SETD2: variants seen among roughly 807,000 people sequenced by gnomAD.
The protein encoded by SETD2 is SET domain containing 2, histone lysine methyltransferase, also known as histone-lysine N-methyltransferase SETD2.
SETD2 carries 31 observed loss-of-function variants against 242.1 expected under a neutral mutation model. The ratio of observed to expected loss-of-function variants is 0.13; its 90% CI spans 0.10 to 0.17. SETD2 has a LOEUF of 0.17. SETD2 is among the 10% of genes least tolerant of loss of function. The probability of loss-of-function intolerance (pLI) is 1.00; values close to 1 mark genes in which losing one functional copy is unlikely to be tolerated. For synonymous variants in SETD2, 1,006 were observed against 1,066.5 expected, an observed-to-expected ratio of 0.94 and a Z score of 1.11; for missense variants, 2,481 against 3,046.3, an observed-to-expected ratio of 0.81 and a Z score of 4.37.
chr3:47,102,268 C>T (rs893872054), intron 7 of SETD2, among the ~76,000 whole-genome samples: 2 of 152,208 alleles, frequency 1.3e-5, no homozygotes, highest in Non-Finnish European at 2.9e-5. Flanking sequence ...CACAGCTAGA[C>T]ATGTGGCCAC....
intron 9 of SETD2, 135 bp downstream of exon 9, chr3:47,097,820 T>C (rs1402007811): frequency 1.0e-5 from 8 of 776,462 alleles, no homozygotes; most frequent in Admixed American, 5.3e-5. Context: ...CAATTGCATC[T>C]CTTTTCTGGT....
At chr3:47,106,493 TAAAAAAA>T (rs766455577) in intron 5 of SETD2, among the ~76,000 whole-genome samples, 20,582 of 54,748 alleles carry the variant, frequency 0.38, 3,192 homozygotes, top group Non-Finnish European at 0.47. Flanking sequence ...ATTTTTGCTC[TAAAAAAA>T]AAAAAAAAAA....
rs758664614 is a variant in SETD2 at position 47,083,753 on chromosome 3, G to A, written c.6027C>T (p.Ala2009=). 1 of 1,613,196 alleles carries A rather than the reference G, an allele frequency of 6.2e-7. No individual in the cohort carries two copies. Among genetic ancestry groups the A allele is most frequent in the Non-Finnish European group, 8.5e-7 (1 of 1,179,630 alleles). Residue 2009 remains alanine, a synonymous_variant, in exon 12 of 21, where the codon GCC becomes GCT. Coordinates refer to ENST00000409792, the MANE Select transcript of SETD2 (RefSeq NM_014159.7). The part of the protein sequence containing the change: ...PDKTVDISDL[A]TKLLDSWKDL... ...CTTTCCAACTGTCCAGGAGTTTGGT[G>A]GCCAAATCACTTATATCCACTGTTT...
chr3:47,121,319 A>C lies in SETD2; in HGVS notation c.3317T>G (p.Leu1106Trp), dbSNP rs750263551. ...CTCATACAAATGTCTCCTTGACTCC[A>C]ATCTCTCATCTTCCCAATGGTCAGA... ...HYSDHWEDER[L>W]ESRRHLYEEK... Residue 1106 changes from leucine (L) to tryptophan (W), a missense_variant, in exon 3 of 21, where the codon TTG (leucine) becomes TGG (tryptophan). Transcript: ENST00000409792. The C allele has an allele frequency of 6.2e-7, 1 of 1,611,920 alleles. No individual in the cohort carries two copies. Among genetic ancestry groups the C allele is most frequent in the Admixed American group, 1.7e-5 (1 of 60,022 alleles).
At chr3:47,163,165 G>GTCACCT (rs1697550199) in intron 1 of SETD2, among the ~76,000 whole-genome samples, 1 of 152,214 alleles carries the variant, frequency 6.6e-6, no homozygotes, top group Non-Finnish European at 1.5e-5. Context: ...CAAACCCGGT[G>GTCACCT]TCACCTCAAC....
At chr3:47,065,974 C>T (rs957068209) in intron 13 of SETD2, among the ~76,000 whole-genome samples, 3 of 152,146 alleles carry the variant, frequency 2.0e-5, no homozygotes, top group Non-Finnish European at 2.9e-5. Flanking sequence ...AAAGTAAATA[C>T]AGTCAACCCT....
chr3:47,086,929 A>G (rs991446650), intron 10 of SETD2, among the ~76,000 whole-genome samples: 1 of 151,802 alleles, frequency 6.6e-6, no homozygotes, highest in African/African-American at 2.4e-5. Context: ...AGTCCTAGAT[A>G]CTCAGGCAAC....
At chr3:47,032,633 T>G (rs995319800) in intron 18 of SETD2, among the ~76,000 whole-genome samples, 2 of 151,526 alleles carry the variant, frequency 1.3e-5, no homozygotes, top group African/African-American at 4.9e-5. Flanking sequence ...ATAATAAAGC[T>G]GGGCACGGTG....
At chr3:47,126,533 T>C (rs1465801800) in intron 2 of SETD2, 115 bp downstream of exon 2, 1 of 571,622 alleles carries the variant, frequency 1.7e-6, no homozygotes, top group East Asian at 2.9e-5. Context: ...TATTACTTCA[T>C]TTCACATTCA....
At chr3:47,080,199 T>C (rs957124600) in intron 12 of SETD2, among the ~76,000 whole-genome samples, 4 of 152,194 alleles carry the variant, frequency 2.6e-5, no homozygotes, top group Admixed American at 2.0e-4. Flanking sequence ...CTTGATTTGC[T>C]GAATTAAAGA....
intron 1 of SETD2, among the ~76,000 whole-genome samples, chr3:47,153,159 T>TTTA (rs746082760): frequency 0.03 from 4,608 of 152,172 alleles, 230 homozygotes; most frequent in East Asian, 0.13. Flanking sequence ...GTGAAGTGAT[T>TTTA]ATCTAATTTT....
At chr3:47,027,852 C>T (rs1318582952) in intron 18 of SETD2, among the ~76,000 whole-genome samples, 2 of 149,806 alleles carry the variant, frequency 1.3e-5, no homozygotes, top group African/African-American at 2.5e-5. Flanking sequence ...AGTGCAGTGG[C>T]GCGATCTCGG....
intron 1 of SETD2, chr3:47,145,471 T>TGCA (rs1469325233): frequency 2.4e-6 from 1 of 416,616 alleles, no homozygotes; most frequent in African/African-American, 2.0e-5. Context: ...CCCAGCTTGC[T>TGCA]GCAGCCTTGA....
chr3:47,027,877 C>T (rs1345709745), intron 18 of SETD2, among the ~76,000 whole-genome samples: 9 of 151,578 alleles, frequency 5.9e-5, no homozygotes, highest in East Asian at 1.9e-4. Flanking sequence ...CTGCAACCTC[C>T]GCCTCCCGGG....
At chr3:47,034,772 T>C (rs1397072985) in intron 18 of SETD2, among the ~76,000 whole-genome samples, 1 of 152,204 alleles carries the variant, frequency 6.6e-6, no homozygotes, top group Non-Finnish European at 1.5e-5. Context: ...CTATGACCCC[T>C]GGGAGCAATA....
rs757008196 is a variant in SETD2 at position 47,124,082 on chromosome 3, G to A, written c.554C>T (p.Ser185Leu). 6.4e-7 allele frequency: 1 copy of A among 1,551,902 alleles called. No homozygotes were observed. The highest frequency in any genetic ancestry group is 1.2e-5 in the South Asian group (1 of 84,056). Reference protein sequence around the residue: ...AVIAESTTVDSPPSSPPPPPP... With the variant: ...AVIAESTTVDLPPSSPPPPPP... ...CGGTGGAGGCGGAGATGAGGGCGGT[G>A]AGTCTACAGTTGTTGATTCTGCTAT... Residue 185 changes from serine (S) to leucine (L), a missense_variant, in exon 3 of 21, where the codon TCA (serine) becomes TTA (leucine). Transcript: ENST00000409792.
chr3:47,040,644 G>A (rs1408563597), intron 17 of SETD2, among the ~76,000 whole-genome samples: 1 of 127,298 alleles, frequency 7.9e-6, no homozygotes, highest in Non-Finnish European at 1.6e-5. Context: ...GCGCAATCAT[G>A]GCTCACTACA....
At chr3:47,049,345 A>ATATATATATATG (rs1221844905) in intron 15 of SETD2, among the ~76,000 whole-genome samples, 15 of 111,172 alleles carry the variant, frequency 1.3e-4, no homozygotes, top group Non-Finnish European at 2.7e-4. Context: ...ATATATATAT[A>ATATATATATATG]TATGTATTCT....
At chr3:47,151,583 G>T (rs1330593279) in intron 1 of SETD2, among the ~76,000 whole-genome samples, 7 of 151,984 alleles carry the variant, frequency 4.6e-5, no homozygotes, top group Non-Finnish European at 8.8e-5. Flanking sequence ...ATCCCAGCAT[G>T]TGGGGAGGCC....
Sources: allele counts gnomAD v4.1 joint callset (sites outside exome capture counted in the v4.1 genomes callset), GRCh38; gene constraint gnomAD v4.1.1; transcripts MANE v1.5; gene names NCBI Gene and HGNC (gene_info 2026-07-23, HGNC 2026-07-21).